DNAH11: variants seen among roughly 807,000 people sequenced by gnomAD.
DNAH11 encodes the protein axonemal beta dynein heavy chain 11.
DNAH11 carries 442 observed loss-of-function variants against 526.0 expected under a neutral mutation model. The observed-to-expected ratio is 0.84, with a 90% confidence interval of 0.78 to 0.91. The LOEUF (loss-of-function observed/expected upper bound fraction) is 0.91. DNAH11 is among the 40% of genes least tolerant of loss of function. DNAH11 has a pLI of 0.00. For synonymous variants in DNAH11, 2,461 were observed against 1,935.9 expected (o/e 1.27, Z -7.12); for missense variants, 6,989 against 5,448.7 (o/e 1.28, Z -8.90).
intron 74 of DNAH11, among the ~76,000 whole-genome samples, chr7:21,876,998 C>A (rs1016200582): frequency 1.3e-5 from 2 of 152,192 alleles, no homozygotes; most frequent in Non-Finnish European, 2.9e-5. Flanking sequence ...TCCCACATCT[C>A]CTTGTATTAT....
intron 55 of DNAH11, among the ~76,000 whole-genome samples, chr7:21,766,319 C>G (rs1006247264): frequency 2.0e-5 from 3 of 152,152 alleles, no homozygotes; most frequent in African/African-American, 7.2e-5. Context: ...TTATTCATGT[C>G]TAGTGCCTTT....
intron 65 of DNAH11, among the ~76,000 whole-genome samples, chr7:21,820,873 T>C (rs79426195): frequency 0.016 from 2,407 of 152,278 alleles, 51 homozygotes; most frequent in African/African-American, 0.049. Flanking sequence ...TAAGAACTCT[T>C]GGGCACACTG....
At chr7:21,813,767 G>T (rs1789639075) in intron 63 of DNAH11, among the ~76,000 whole-genome samples, 2 of 152,066 alleles carry the variant, frequency 1.3e-5, no homozygotes, top group South Asian at 4.1e-4. Context: ...CTACTTAATA[G>T]AGCAATTAGA....
At position 21,761,368 on chromosome 7, in the gene DNAH11, G is replaced by C. The variant is rs553103515; in HGVS notation, c.8941-4060G>C. ...TTAATTCCCAGAGTCTGGTTTAGCT[G>C]ATAGAATTTAGATTACATGTAATTA... On this transcript the variant is annotated intron_variant, in intron 54 of 81. Transcript: ENST00000409508. Among the ~76,000 whole-genome samples the C allele has an allele frequency of 7.9e-5, 12 of 152,260 alleles. 1 individual carries two copies. Among genetic ancestry groups the C allele is most frequent in the Admixed American group, 7.8e-4 (12 of 15,296 alleles).
intron 25 of DNAH11, among the ~76,000 whole-genome samples, chr7:21,624,359 G>C (rs1296623950): frequency 6.6e-6 from 1 of 152,058 alleles, no homozygotes; most frequent in Non-Finnish European, 1.5e-5. Context: ...TTCTTTTTCA[G>C]ATAGTTTGTT....
At chr7:21,565,452 G>A (rs1006751891) in intron 6 of DNAH11, among the ~76,000 whole-genome samples, 1 of 152,200 alleles carries the variant, frequency 6.6e-6, no homozygotes, top group African/African-American at 2.4e-5. Flanking sequence ...GAAAAATGAT[G>A]TTATTTGCTC....
intron 4 of DNAH11, among the ~76,000 whole-genome samples, chr7:21,560,501 G>A (rs1783409449): frequency 6.6e-6 from 1 of 152,070 alleles, no homozygotes; most frequent in Non-Finnish European, 1.5e-5. Context: ...GTGGCCAAAG[G>A]CCCAAGAGCC....
chr7:21,659,164 T>C (rs539869312), intron 30 of DNAH11, 133 bp downstream of exon 30: 2 of 753,174 alleles, frequency 2.7e-6, no homozygotes, highest in Admixed American at 5.9e-5. Context: ...ATTTTAGCAA[T>C]CAGTTGTTAA....
chr7:21,832,063 C>T (rs1346559885), intron 65 of DNAH11, among the ~76,000 whole-genome samples: 3 of 151,622 alleles, frequency 2.0e-5, no homozygotes, highest in African/African-American at 7.3e-5. Context: ...GCACTGCAGC[C>T]TGGGTGACAG....
intron 36 of DNAH11, among the ~76,000 whole-genome samples, chr7:21,701,137 C>A (rs1249685666): frequency 6.6e-6 from 1 of 152,084 alleles, no homozygotes; most frequent in Non-Finnish European, 1.5e-5. Context: ...CTGGTTCTTT[C>A]CCCTCCCTTT....
Position 21,559,747 on chromosome 7 carries a change from T to A in DNAH11, c.837T>A (p.Asp279Glu), listed in dbSNP as rs1451004613. ...ACTTGTCTCCTCAAGCAGAACTAGATTTCTGGATGATGAGGAGAGAAAATC... is the reference window on the plus strand; with the variant it reads ...ACTTGTCTCCTCAAGCAGAACTAGAATTCTGGATGATGAGGAGAGAAAATC... ...GLHLSPQAELDFWMMRRENLS... is the reference protein window; with the variant it reads ...GLHLSPQAELEFWMMRRENLS... The change falls in exon 4 of 82, where the codon GAT becomes GAA. Residue 279 changes from aspartate to glutamate, a missense_variant. Physicochemically the swap from Asp to Glu is conservative, Grantham distance 45. Transcript: ENST00000409508. The A allele has an allele frequency of 1.9e-6, 3 of 1,608,210 alleles. No individual in the cohort carries two copies. The highest frequency in any genetic ancestry group is 2.5e-6 in the Non-Finnish European group (3 of 1,177,036).
intron 45 of DNAH11, among the ~76,000 whole-genome samples, chr7:21,731,140 C>G (rs772946215): frequency 4.7e-5 from 7 of 150,340 alleles, no homozygotes; most frequent in South Asian, 4.2e-4. Context: ...GTGAAACTGT[C>G]TCCGAAAAAA....
At chr7:21,721,835 C>T (rs184850732) in intron 44 of DNAH11, among the ~76,000 whole-genome samples, 68 of 152,172 alleles carry the variant, frequency 4.5e-4, no homozygotes, top group African/African-American at 1.6e-3. Context: ...CTCCCTCTCT[C>T]CAGTCCCTCT....
At chr7:21,621,627 A>C (rs1320833100) in intron 25 of DNAH11, among the ~76,000 whole-genome samples, 1 of 152,024 alleles carries the variant, frequency 6.6e-6, no homozygotes, top group Non-Finnish European at 1.5e-5. Flanking sequence ...ATCCACCAGG[A>C]TCAAGTGGGC....
intron 64 of DNAH11, among the ~76,000 whole-genome samples, chr7:21,817,555 T>C (rs1420419474): frequency 1.4e-5 from 2 of 146,218 alleles, no homozygotes; most frequent in Non-Finnish European, 3.0e-5. Flanking sequence ...TTGCCAGGTA[T>C]GGTAGTGCCT....
At chr7:21,721,442 A>G (rs1477287633) in intron 44 of DNAH11, among the ~76,000 whole-genome samples, 1 of 152,180 alleles carries the variant, frequency 6.6e-6, no homozygotes, top group African/African-American at 2.4e-5. Context: ...TCAGATCGCC[A>G]TAACAAAATA....
intron 47 of DNAH11, 36 bp downstream of exon 47, chr7:21,738,902 TC>T (rs1235188752): frequency 5.4e-6 from 8 of 1,468,370 alleles, no homozygotes; most frequent in Non-Finnish European, 7.3e-6. Context: ...TCTCCCAAAA[TC>T]TAATAATTAT....
intron 35 of DNAH11, among the ~76,000 whole-genome samples, chr7:21,694,556 T>A (rs1783766397): frequency 6.6e-6 from 1 of 152,236 alleles, no homozygotes; most frequent in South Asian, 2.1e-4. Flanking sequence ...TGCGTAGTAT[T>A]CCATGGTGTG....
At chr7:21,647,576 C>A (rs1457672536) in intron 28 of DNAH11, among the ~76,000 whole-genome samples, 2 of 151,892 alleles carry the variant, frequency 1.3e-5, no homozygotes, top group East Asian at 3.9e-4. Flanking sequence ...ACTACAGGCG[C>A]CTACCACCAC....
Sources: allele counts gnomAD v4.1 joint callset (sites outside exome capture counted in the v4.1 genomes callset), GRCh38; gene constraint gnomAD v4.1.1; transcripts MANE v1.5; gene names NCBI Gene and HGNC (gene_info 2026-07-23, HGNC 2026-07-21).